The following NETO2 variants were observed in gnomAD, a reference collection of about 807,000 sequenced individuals.
The protein encoded by NETO2 is neuropilin and tolloid like 2, also known as neuropilin and tolloid-like protein 2.
NETO2 carries 28 observed loss-of-function variants against 62.5 expected under a neutral mutation model. That is an observed-to-expected ratio of 0.45 (90% CI 0.33 to 0.61). The LOEUF (loss-of-function observed/expected upper bound fraction) is 0.61. Among genes scored for constraint, NETO2 ranks in the 20% least tolerant of loss-of-function variants. The pLI is 0.02. For synonymous variants in NETO2, 214 were observed against 219.1 expected, an observed-to-expected ratio of 0.98 and a Z score of 0.21; for missense variants, 548 against 643.2, an observed-to-expected ratio of 0.85 and a Z score of 1.60.
Position 47,143,636 on chromosome 16 carries a change from G to C in NETO2, c.-24C>G. ...ATGTTCCCGAGCTGCCCGGCGCTTC[G>C]CGAAGGGCTGAGGTAGCGGCGGCGG... On this transcript the variant is annotated 5_prime_UTR_variant, in exon 1 of 9. Coordinates refer to ENST00000562435, the MANE Select transcript of NETO2 (RefSeq NM_018092.5). The C allele has an allele frequency of 8.2e-7, 1 of 1,220,348 alleles. No homozygotes were observed. The allele number at this position is 1,220,348 out of a possible 1,614,324, so 75.6% of individuals were successfully genotyped here.
Position 47,143,609 on chromosome 16 carries a change from C to A in NETO2, c.4G>T (p.Ala2Ser). 1.6e-6 allele frequency: 2 copies of A among 1,222,842 alleles called. No homozygotes were observed. Among genetic ancestry groups the A allele is most frequent in the Non-Finnish European group, 2.0e-6 (2 of 978,182 alleles). 75.7% of individuals were successfully genotyped at this position (1,222,842 alleles called of 1,614,324 possible). The stretch of plus-strand genomic sequence containing the variant: ...AGGACCGAGCAGAGCCGCTCCAGGG[C>A]CATGTTCCCGAGCTGCCCGGCGCTT... MALERLCSVLKV... is the reference protein window; with the variant it reads MSLERLCSVLKV... Residue 2 changes from alanine (A) to serine (S), a missense_variant, in exon 1 of 9, where the codon GCC (alanine) becomes TCC (serine). Physicochemically the swap from Ala to Ser is moderately conservative, Grantham distance 99 (BLOSUM62 1). Transcript: ENST00000562435.
At chr16:47,105,981 T>C (rs1963664711) in intron 7 of NETO2, among the ~76,000 whole-genome samples, 1 of 152,142 alleles carries the variant, frequency 6.6e-6, no homozygotes, top group Admixed American at 6.6e-5. Flanking sequence ...GCAGTACTCA[T>C]CATAGCTCAA....
Position 47,083,130 on chromosome 16 carries a change from G to A in NETO2, c.*91C>T. On this transcript the variant is annotated 3_prime_UTR_variant, in exon 9 of 9. Coordinates refer to ENST00000562435, the MANE Select transcript of NETO2 (RefSeq NM_018092.5). Reference sequence around the variant, plus strand: ...AATCAAGGTCTTCGTAGTTGTGATGGGAGAAAAGGGTTGGCTGCTGGAAAC... The same window carrying A: ...AATCAAGGTCTTCGTAGTTGTGATGAGAGAAAAGGGTTGGCTGCTGGAAAC... The A allele has an allele frequency of 8.8e-7, 1 of 1,134,766 alleles. No homozygotes were observed. The highest frequency in any genetic ancestry group is 1.3e-6 in the Non-Finnish European group (1 of 787,300). 70.3% of individuals were successfully genotyped at this position (1,134,766 alleles called of 1,614,324 possible).
At chr16:47,120,469 A>C (rs1313680521) in intron 6 of NETO2, among the ~76,000 whole-genome samples, 2 of 152,218 alleles carry the variant, frequency 1.3e-5, no homozygotes, top group Non-Finnish European at 2.9e-5. Context: ...CATTAGGATA[A>C]ATGGGGGATC....
intron 6 of NETO2, among the ~76,000 whole-genome samples, chr16:47,112,520 G>C (rs1231687712): frequency 2.0e-5 from 3 of 152,094 alleles, no homozygotes; most frequent in African/African-American, 7.2e-5. Context: ...CACCACACCT[G>C]GCTAATTTTT....
chr16:47,115,235 C>T (rs1353658536), intron 6 of NETO2, among the ~76,000 whole-genome samples: 2 of 152,086 alleles, frequency 1.3e-5, no homozygotes, highest in Non-Finnish European at 1.5e-5. Flanking sequence ...TTTTCCATTA[C>T]ATTCTAGAAT....
At chr16:47,117,120 T>A (rs900201365) in intron 6 of NETO2, among the ~76,000 whole-genome samples, 2 of 152,182 alleles carry the variant, frequency 1.3e-5, no homozygotes, top group African/African-American at 4.8e-5. Flanking sequence ...ATTCTCTTAG[T>A]TTTATCATTC....
chr16:47,093,424 AC>A (rs1326990301), intron 7 of NETO2, among the ~76,000 whole-genome samples: 1 of 152,086 alleles, frequency 6.6e-6, no homozygotes, highest in African/African-American at 2.4e-5. Context: ...TAACAGGAGA[AC>A]CCTTTATGTC....
In NETO2 at chr16:47,083,111, G is replaced by A; in HGVS notation, c.*110C>T. On this transcript the variant is annotated 3_prime_UTR_variant, in exon 9 of 9. Coordinates refer to ENST00000562435, the MANE Select transcript of NETO2 (RefSeq NM_018092.5). ...ATACAATAGGTTAACGGTAAATCAA[G>A]GTCTTCGTAGTTGTGATGGGAGAAA... is the stretch of plus-strand genomic sequence containing the variant. 1 of 927,884 alleles carries A rather than the reference G, an allele frequency of 1.1e-6. No individual in the cohort carries two copies. Among genetic ancestry groups the A allele is most frequent in the Non-Finnish European group, 1.6e-6 (1 of 606,786 alleles). 57.5% of individuals were successfully genotyped at this position (927,884 alleles called of 1,614,324 possible).
chr16:47,108,358 G>GA (rs1212653135), intron 7 of NETO2, among the ~76,000 whole-genome samples: 1 of 151,972 alleles, frequency 6.6e-6, no homozygotes, highest in African/African-American at 2.4e-5. Context: ...AATTAGAAAG[G>GA]AAAAAAATAG....
At chr16:47,099,600 A>G (rs1428497530) in intron 7 of NETO2, among the ~76,000 whole-genome samples, 1 of 152,198 alleles carries the variant, frequency 6.6e-6, no homozygotes, top group African/African-American at 2.4e-5. Flanking sequence ...GGCTCAAAAT[A>G]AACAGATGGA....
chr16:47,092,502 C>T (rs546112800), intron 7 of NETO2, among the ~76,000 whole-genome samples: 23 of 152,246 alleles, frequency 1.5e-4, no homozygotes, highest in Admixed American at 3.9e-4. Flanking sequence ...TAGCACACGT[C>T]GGTTTAGACG....
rs765573003 is a variant in NETO2, at chr16:47,128,503, C to G, written c.303G>C (p.Arg101=). The G allele has an allele frequency of 1.2e-6, 2 of 1,614,004 alleles. No homozygotes were observed. Among genetic ancestry groups the G allele is most frequent in the Non-Finnish European group, 1.7e-6 (2 of 1,179,976 alleles). Residue 101 remains arginine, a synonymous_variant, in exon 4 of 9, where the codon CGG becomes CGC. Coordinates refer to ENST00000562435, the MANE Select transcript of NETO2 (RefSeq NM_018092.5). ...HYYIEPSFEC[R]FDHLEVRDGP... ...CATCTCGAACTTCCAAGTGATCAAA[C>G]CGACACTCAAATGATGGTTCTATAT...
At chr16:47,094,301 G>A (rs950658496) in intron 7 of NETO2, among the ~76,000 whole-genome samples, 1 of 147,148 alleles carries the variant, frequency 6.8e-6, no homozygotes, top group Admixed American at 6.8e-5. Flanking sequence ...CTAATTGGCT[G>A]AGGAGTTTAA....
At chr16:47,103,500 C>T (rs1449210957) in intron 7 of NETO2, among the ~76,000 whole-genome samples, 3 of 152,094 alleles carry the variant, frequency 2.0e-5, no homozygotes, top group Non-Finnish European at 2.9e-5. Flanking sequence ...ACAAACACTA[C>T]TTACTCATTC....
chr16:47,119,505 C>T (rs1963995114), intron 6 of NETO2, among the ~76,000 whole-genome samples: 1 of 151,678 alleles, frequency 6.6e-6, no homozygotes, highest in African/African-American at 2.4e-5. Context: ...CCTGTTGTTA[C>T]CTTTTACAAA....
rs903951282 is a variant in NETO2 at position 47,081,067 on chromosome 16, T to C, written c.*2154A>G. The C allele has an allele frequency of 5.9e-5, 9 of 152,158 alleles. No individual in the cohort carries two copies. The highest frequency in any genetic ancestry group is 1.9e-4 in the African/African-American group (8 of 41,448). The allele number at this position is 152,158 out of a possible 1,614,324, so 9.4% of individuals were successfully genotyped here. On this transcript the variant is annotated 3_prime_UTR_variant, in exon 9 of 9. Transcript: ENST00000562435. ...GTAGGCCTCTTCAAGACCTTATAAATAGAAATCAAATTTCAAAAACAAAAA... is the reference window on the plus strand; with the variant it reads ...GTAGGCCTCTTCAAGACCTTATAAACAGAAATCAAATTTCAAAAACAAAAA...
chr16:47,110,112 T>C (rs1008821127), intron 6 of NETO2, among the ~76,000 whole-genome samples: 1 of 152,224 alleles, frequency 6.6e-6, no homozygotes, highest in East Asian at 1.9e-4. Context: ...TTTCTGCACA[T>C]TAAAAAAACC....
chr16:47,123,796 C>A (rs904931114), intron 4 of NETO2, among the ~76,000 whole-genome samples: 2 of 152,296 alleles, frequency 1.3e-5, no homozygotes, highest in Admixed American at 1.3e-4. Flanking sequence ...TTCCCGGGTT[C>A]AAGCAATTCT....
Sources: gnomAD v4.1 joint callset for allele counts (sites outside exome capture counted in the v4.1 genomes callset) on GRCh38, gnomAD v4.1.1 for gene constraint, MANE v1.5 for transcripts, NCBI Gene and HGNC (gene_info 2026-07-23, HGNC 2026-07-21) for gene names.